The following HIF1A variants were observed in gnomAD, a reference collection of about 807,000 sequenced individuals.
The protein encoded by HIF1A is hypoxia inducible factor 1 subunit alpha.
A neutral mutation model predicts 92.7 loss-of-function variants in HIF1A; 24 were observed. The observed-to-expected ratio is 0.26, with a 90% CI of 0.19 to 0.36. HIF1A has a LOEUF of 0.36. Ranked by LOEUF, HIF1A falls within the 10% of genes least tolerant of loss-of-function variation. HIF1A has a pLI of 1.00. For synonymous variants in HIF1A, 319 were observed against 338.7 expected (o/e 0.94, Z 0.64); for missense variants, 799 against 998.5 (o/e 0.80, Z 2.69).
chr14:61,713,252 A>T (rs1460032003), intron 1 of HIF1A, among the ~76,000 whole-genome samples: 1 of 152,220 alleles, frequency 6.6e-6, no homozygotes, highest in Admixed American at 6.5e-5. Flanking sequence ...CATAATGCCA[A>T]ATTTCTTTAC....
At chr14:61,736,417 G>A (rs1295078374) in intron 8 of HIF1A, among the ~76,000 whole-genome samples, 2 of 151,848 alleles carry the variant, frequency 1.3e-5, no homozygotes, top group East Asian at 3.9e-4. Context: ...GCTGAGGTTT[G>A]GGGTACAATT....
At chr14:61,708,029 G>A (rs983815905) in intron 1 of HIF1A, among the ~76,000 whole-genome samples, 6 of 151,902 alleles carry the variant, frequency 3.9e-5, no homozygotes, top group Admixed American at 2.6e-4. Context: ...TCTCATTGTG[G>A]TTTTGATTTG....
intron 1 of HIF1A, among the ~76,000 whole-genome samples, chr14:61,708,291 G>C (rs971324128): frequency 2.6e-5 from 4 of 152,286 alleles, no homozygotes; most frequent in African/African-American, 9.6e-5. Flanking sequence ...TTGCTGTGCA[G>C]AAGCTCTTTA....
intron 1 of HIF1A, among the ~76,000 whole-genome samples, chr14:61,711,711 T>C (rs1487429951): frequency 6.6e-6 from 1 of 152,212 alleles, no homozygotes; most frequent in Non-Finnish European, 1.5e-5. Flanking sequence ...TTGTGGCTAA[T>C]GCCTGTGTTT....
chr14:61,731,472 A>T (rs969898238), intron 6 of HIF1A, among the ~76,000 whole-genome samples: 1 of 152,214 alleles, frequency 6.6e-6, no homozygotes, highest in Non-Finnish European at 1.5e-5. Flanking sequence ...TTTCATTTGA[A>T]ATATTGTTTT....
intron 4 of HIF1A, among the ~76,000 whole-genome samples, chr14:61,723,861 A>G (rs2044464653): frequency 1.3e-5 from 2 of 152,226 alleles, no homozygotes; most frequent in Admixed American, 6.5e-5. Flanking sequence ...TTTTGAAATC[A>G]TTACTAATGT....
At chr14:61,714,771 C>T (rs1279431960) in intron 1 of HIF1A, among the ~76,000 whole-genome samples, 8 of 152,184 alleles carry the variant, frequency 5.3e-5, no homozygotes, top group African/African-American at 1.2e-4. Context: ...AGTGGCTCAA[C>T]GCCTGTAATC....
chr14:61,699,612 G>A (rs1031313997), intron 1 of HIF1A, among the ~76,000 whole-genome samples: 2 of 152,060 alleles, frequency 1.3e-5, no homozygotes, highest in African/African-American at 4.8e-5. Context: ...TTAAAATACT[G>A]TATCCCTTTA....
At chr14:61,741,216 G>T in intron 12 of HIF1A, 28 bp downstream of exon 12, 1 of 1,446,790 alleles carries the variant, frequency 6.9e-7, no homozygotes, top group Non-Finnish European at 9.4e-7. Flanking sequence ...TCAAGTTATA[G>T]TTCTTTTATT....
At chr14:61,704,755 A>G (rs922947304) in intron 1 of HIF1A, among the ~76,000 whole-genome samples, 8 of 152,140 alleles carry the variant, frequency 5.3e-5, no homozygotes, top group Non-Finnish European at 1.0e-4. Flanking sequence ...CTATTATACT[A>G]TGTCCTGTAA....
At chr14:61,726,952 A>C (rs1441598068) in intron 5 of HIF1A, 134 bp downstream of exon 5, 2 of 539,092 alleles carry the variant, frequency 3.7e-6, no homozygotes, top group East Asian at 3.2e-5. Context: ...TATATCTTCA[A>C]CTCATTTGCA....
rs867054308 is a variant in HIF1A at position 61,748,028 on chromosome 14, A to C, written c.*943A>C. The C allele has an allele frequency of 6.6e-6, 1 of 152,568 alleles. No homozygotes were observed. The highest frequency in any genetic ancestry group is 1.5e-5 in the Non-Finnish European group (1 of 67,962). 9.5% of individuals were successfully genotyped at this position (152,568 alleles called of 1,614,324 possible). The stretch of plus-strand genomic sequence containing the variant: ...TAGTATGTTAATTTGCTCAAAATAC[A>C]ATGTTTGATTTTATGCACTTTGTCG... On this transcript the variant is annotated 3_prime_UTR_variant, in exon 15 of 15. Coordinates refer to ENST00000337138, the MANE Select transcript of HIF1A (RefSeq NM_001530.4).
chr14:61,732,388 T>A (rs1234539193), intron 6 of HIF1A, 30 bp from the exon 7 acceptor site: 3 of 1,462,196 alleles, frequency 2.1e-6, no homozygotes, highest in Non-Finnish European at 2.9e-6. Context: ...CTCCCTTTTT[T>A]TTCTTAAATC....
At chr14:61,738,731 C>T (rs992191550) in intron 10 of HIF1A, among the ~76,000 whole-genome samples, 6 of 151,988 alleles carry the variant, frequency 3.9e-5, no homozygotes, top group African/African-American at 1.5e-4. Flanking sequence ...ACCTGTTACC[C>T]CTTTTAGTTT....
At chr14:61,717,998 G>C (rs562609948) in intron 1 of HIF1A, among the ~76,000 whole-genome samples, 137 of 147,916 alleles carry the variant, frequency 9.3e-4, no homozygotes, top group Middle Eastern at 3.5e-3. Context: ...TCCAGCCTGG[G>C]TGACAAGAGC....
chr14:61,741,262 T>C, intron 12 of HIF1A, 74 bp downstream of exon 12: 2 of 1,094,136 alleles, frequency 1.8e-6, no homozygotes, highest in Non-Finnish European at 2.6e-6. Flanking sequence ...GTACATGATT[T>C]TTAAACTTAT....
chr14:61,737,486 A>G (rs1293159097), intron 9 of HIF1A, among the ~76,000 whole-genome samples: 1 of 152,216 alleles, frequency 6.6e-6, no homozygotes, highest in Non-Finnish European at 1.5e-5. Context: ...TCAAGCATTG[A>G]AGATGAAAAC....
intron 1 of HIF1A, among the ~76,000 whole-genome samples, chr14:61,709,005 C>G (rs2044277120): frequency 6.6e-6 from 1 of 152,172 alleles, no homozygotes; most frequent in African/African-American, 2.4e-5. Flanking sequence ...TCAGTTGATT[C>G]TCCTGCCTCA....
At chr14:61,705,920 G>C (rs959800173) in intron 1 of HIF1A, among the ~76,000 whole-genome samples, 42 of 152,200 alleles carry the variant, frequency 2.8e-4, no homozygotes, top group African/African-American at 1.0e-3. Flanking sequence ...AGTCTTTAGG[G>C]TATGCTTTCT....
Sources: gnomAD v4.1 joint callset for allele counts (sites outside exome capture counted in the v4.1 genomes callset) on GRCh38, gnomAD v4.1.1 for gene constraint, MANE v1.5 for transcripts, NCBI Gene and HGNC (gene_info 2026-07-23, HGNC 2026-07-21) for gene names.